PCDHGA11: variants seen among roughly 807,000 people sequenced by gnomAD.
PCDHGA11 encodes protocadherin gamma subfamily A, 11, also known as protocadherin gamma-A11.
PCDHGA11 carries 39 observed loss-of-function variants against 60.4 expected under a neutral mutation model. That is an observed-to-expected ratio of 0.65 (90% CI 0.50 to 0.84). The LOEUF (loss-of-function observed/expected upper bound fraction) is 0.84, where lower values mean the gene tolerates loss of function less well. PCDHGA11 is among the 40% of genes least tolerant of loss of function. The probability of loss-of-function intolerance (pLI) is 0.00; values close to 1 mark genes in which losing one functional copy is unlikely to be tolerated. For synonymous variants in PCDHGA11, 533 were observed against 510.3 expected (o/e 1.04, Z -0.60); for missense variants, 1,165 against 1,197.7 (o/e 0.97, Z 0.40).
rs762574320 is a variant in PCDHGA11, at chr5:141,485,926, G to A, written c.2434-8881G>A. The A allele has an allele frequency of 2.0e-5, 32 of 1,614,090 alleles. No individual in the cohort carries two copies. Among genetic ancestry groups the A allele is most frequent in the Admixed American group, 1.2e-4 (7 of 60,006 alleles). ...AGCAATCCAGCTACAGGATTAGTGT[G>A]TTGGAGAGCGCACCAGCGGGCATGG... On this transcript the variant is annotated intron_variant, in intron 1 of 3. Transcript: ENST00000398587. The surrounding 1 kb of genome is among the most constrained non-coding windows in gnomAD (Gnocchi z 5.7).
At chr5:141,458,645 C>T (rs1162232847) in intron 1 of PCDHGA11, among the ~76,000 whole-genome samples, 2 of 152,170 alleles carry the variant, frequency 1.3e-5, no homozygotes, top group Non-Finnish European at 2.9e-5. Flanking sequence ...TCCCAGCTCA[C>T]TGCAACCTCC....
Position 141,489,153 on chromosome 5 carries a change from G to T in PCDHGA11, c.2434-5654G>T. 1 of 935,828 alleles carries T rather than the reference G, an allele frequency of 1.1e-6. No individual in the cohort carries two copies. Among genetic ancestry groups the T allele is most frequent in the South Asian group, 1.8e-5 (1 of 55,006 alleles). 58.0% of individuals were successfully genotyped at this position (935,828 alleles called of 1,614,324 possible). A position where few individuals can be genotyped will look rare whatever the true frequency, so the allele number is the denominator to read the frequency against. Reference sequence around the variant, plus strand: ...TTTAAGAGGCTGGAAGGAGACATAAGAGACTTCAGCTGCTGCATTCCAAGC... The same window carrying T: ...TTTAAGAGGCTGGAAGGAGACATAATAGACTTCAGCTGCTGCATTCCAAGC... On this transcript the variant is annotated intron_variant, in intron 1 of 3. Transcript: ENST00000398587. The surrounding 1 kb of genome is among the most constrained non-coding windows in gnomAD (Gnocchi z 4.5).
rs1420706532 is a variant in PCDHGA11, at chr5:141,421,102, T to A, written c.-126T>A. On this transcript the variant is annotated 5_prime_UTR_variant, in exon 1 of 4. Coordinates refer to ENST00000398587, the MANE Select transcript of PCDHGA11 (RefSeq NM_018914.3). ...ACTCACAGATCCTGACACTGGAGAC[T>A]TAGAAGTATTTTCCTTCGCTTTCTG... 2 of 691,286 alleles carry A rather than the reference T, an allele frequency of 2.9e-6. No individual in the cohort carries two copies. The highest frequency in any genetic ancestry group is 6.2e-5 in the Admixed American group (2 of 32,346). 42.8% of individuals were successfully genotyped at this position (691,286 alleles called of 1,614,324 possible).
Position 141,423,573 on chromosome 5 carries a change from C to G in PCDHGA11, c.2346C>G (p.Ser782Arg). The part of the protein sequence containing the change: ...PQPNYGDTLI[S>R]QESCEKSEPL... ...CCAACTATGGGGACACGCTCATCAG[C>G]CAGGAGAGCTGTGAGAAAAGCGAGC... Residue 782 changes from serine (S) to arginine (R), a missense_variant, in exon 1 of 4, where the codon AGC (serine) becomes AGG (arginine). Transcript: ENST00000398587. 1 of 1,613,488 alleles carries G rather than the reference C, an allele frequency of 6.2e-7. No homozygotes were observed. The highest frequency in any genetic ancestry group is 1.1e-5 in the South Asian group (1 of 91,046).
chr5:141,483,501 G>T (rs1022338958), intron 1 of PCDHGA11, among the ~76,000 whole-genome samples: 1 of 150,394 alleles, frequency 6.6e-6, no homozygotes, highest in Non-Finnish European at 1.5e-5. Flanking sequence ...ATGAGTCAAG[G>T]CTGATCCCCC....
chr5:141,460,091 A>G (rs2098981847), intron 1 of PCDHGA11, among the ~76,000 whole-genome samples: 1 of 152,002 alleles, frequency 6.6e-6, no homozygotes, highest in Non-Finnish European at 1.5e-5. Flanking sequence ...AATAATAATT[A>G]TACATGTAAT....
rs776293224 is a variant in PCDHGA11, at chr5:141,477,889, A to G, written c.2434-16918A>G. Reference sequence around the variant, plus strand: ...GTACCTCAGCTGGCCACCTAGTGTCACGGGTGGTAGGCTGGGACGCGGATG... The same window carrying G: ...GTACCTCAGCTGGCCACCTAGTGTCGCGGGTGGTAGGCTGGGACGCGGATG... On this transcript the variant is annotated intron_variant, in intron 1 of 3. Coordinates refer to ENST00000398587, the MANE Select transcript of PCDHGA11 (RefSeq NM_018914.3). This position sits in a 1 kb window ranked among gnomAD's most constrained non-coding sequence, Gnocchi z 4.9. The G allele has an allele frequency of 1.8e-5, 29 of 1,614,034 alleles. No individual in the cohort carries two copies. Among genetic ancestry groups the G allele is most frequent in the Non-Finnish European group, 2.5e-5 (29 of 1,180,026 alleles).
intron 1 of PCDHGA11, chr5:141,471,433 T>C (rs2099257619): frequency 6.6e-6 from 1 of 152,162 alleles, no homozygotes; most frequent in African/African-American, 2.4e-5. Flanking sequence ...GGAAAGTGTA[T>C]AATCTCATGT....
chr5:141,423,746 T>G, intron 1 of PCDHGA11, 86 bp downstream of exon 1: 2 of 384,794 alleles, frequency 5.2e-6, no homozygotes, highest in Non-Finnish European at 6.6e-6. Flanking sequence ...TTATGAAAAC[T>G]GTTTGGGGGG....
At position 141,432,185 on chromosome 5, in the gene PCDHGA11, G is replaced by A. The variant is rs376661062; in HGVS notation, c.2433+8525G>A. 8.1e-6 allele frequency: 13 copies of A among 1,613,956 alleles called. No individual in the cohort carries two copies. The African/African-American group carries it at 1.3e-4, about 17-fold the overall frequency. On this transcript the variant is annotated intron_variant, in intron 1 of 3. Transcript: ENST00000398587. This position sits in a 1 kb window ranked among gnomAD's most constrained non-coding sequence, Gnocchi z 6.0. ...AGGAGTTTCCCTCGTCTCTGTGACC[G>A]CCCACGACCCCGACTGTGAAGAGAA...
chr5:141,510,291 A>AG (rs903726285), intron 3 of PCDHGA11, among the ~76,000 whole-genome samples: 1 of 150,450 alleles, frequency 6.6e-6, no homozygotes, highest in African/African-American at 2.4e-5. Context: ...AAAAAAAAAA[A>AG]TGCTGTTTTG....
intron 2 of PCDHGA11, among the ~76,000 whole-genome samples, chr5:141,502,857 ACT>A (rs1332453483): frequency 7.7e-5 from 7 of 91,446 alleles, no homozygotes; most frequent in African/African-American, 4.1e-4. Flanking sequence ...CCTAACCCTG[ACT>A]CTCTGTCTTT....
In PCDHGA11 at chr5:141,423,170, A is replaced by T. The variant is rs755141371; in HGVS notation, c.1943A>T (p.Gln648Leu). Residue 648 changes from glutamine to leucine, a missense_variant, in exon 1 of 4, where the codon CAG (glutamine) becomes CTG (leucine). Coordinates refer to ENST00000398587, the MANE Select transcript of PCDHGA11 (RefSeq NM_018914.3). ...AAGCAGAGCCTCGTGGTGGCCGTCC[A>T]GGACCACGGCCAGCCCCCTCTCTCG... ...ALKQSLVVAVQDHGQPPLSAT... is the reference protein window; with the variant it reads ...ALKQSLVVAVLDHGQPPLSAT... 1 of 1,613,504 alleles carries T rather than the reference A, an allele frequency of 6.2e-7. No individual in the cohort carries two copies. The highest frequency in any genetic ancestry group is 1.1e-5 in the South Asian group (1 of 91,052).
At position 141,432,117 on chromosome 5, in the gene PCDHGA11, C is replaced by G. The variant is rs761106133; in HGVS notation, c.2433+8457C>G. The G allele has an allele frequency of 6.2e-7, 1 of 1,614,062 alleles. No homozygotes were observed. The highest frequency in any genetic ancestry group is 8.5e-7 in the Non-Finnish European group (1 of 1,180,048). ...ACCAACGACAACCCGCCGGTCTTCC[C>G]TCAGGCCTCCTATTCCGCTTATATC... is the stretch of plus-strand genomic sequence containing the variant. On this transcript the variant is annotated intron_variant, in intron 1 of 3. Transcript: ENST00000398587. The surrounding 1 kb of genome is among the most constrained non-coding windows in gnomAD (Gnocchi z 6.0).
At chr5:141,463,981 A>G (rs1441851777) in intron 1 of PCDHGA11, among the ~76,000 whole-genome samples, 1 of 152,150 alleles carries the variant, frequency 6.6e-6, no homozygotes, top group Non-Finnish European at 1.5e-5. Context: ...ACTCCATTGT[A>G]AAAACCAGGT....
Position 141,421,102 on chromosome 5 carries a change from T to G in PCDHGA11, c.-126T>G. ...ACTCACAGATCCTGACACTGGAGAC[T>G]TAGAAGTATTTTCCTTCGCTTTCTG... On this transcript the variant is annotated 5_prime_UTR_variant, in exon 1 of 4. Coordinates refer to ENST00000398587, the MANE Select transcript of PCDHGA11 (RefSeq NM_018914.3). 1.4e-6 allele frequency: 1 copy of G among 691,404 alleles called. No homozygotes were observed. The highest frequency in any genetic ancestry group is 2.4e-6 in the Non-Finnish European group (1 of 423,970). 42.8% of individuals were successfully genotyped at this position (691,404 alleles called of 1,614,324 possible).
At chr5:141,435,919 T>C (rs2097786247) in intron 1 of PCDHGA11, among the ~76,000 whole-genome samples, 2 of 152,148 alleles carry the variant, frequency 1.3e-5, no homozygotes, top group South Asian at 4.1e-4. Flanking sequence ...GGCTCTAAAA[T>C]GCGGCAGTTG....
chr5:141,430,882 A>G, intron 1 of PCDHGA11: 3 of 1,601,068 alleles, frequency 1.9e-6, no homozygotes, highest in Non-Finnish European at 2.6e-6. Context: ...AGCTGGAGAA[A>G]GGCTCTAGGG....
rs200545713 is a variant in PCDHGA11 at position 141,422,296 on chromosome 5, A to G, written c.1069A>G (p.Ile357Val). 133 of 1,550,704 alleles carry G rather than the reference A, an allele frequency of 8.6e-5. 1 individual carries two copies. The Admixed American group carries it at 2.1e-3, about 25-fold the overall frequency. ...AACTATCACCTCTTCTATTAATTCAATTCTGGAAAACTCTCCTCCAGGTAC... is the reference window on the plus strand; with the variant it reads ...AACTATCACCTCTTCTATTAATTCAGTTCTGGAAAACTCTCCTCCAGGTAC... ...EITITSSINS[I>V]LENSPPGTVI... Residue 357 changes from isoleucine (I) to valine (V), a missense_variant, in exon 1 of 4, where the codon ATT (isoleucine) becomes GTT (valine). Physicochemically the swap from Ile to Val is conservative, Grantham distance 29. Transcript: ENST00000398587.
Sources: gnomAD v4.1 joint callset for allele counts (sites outside exome capture counted in the v4.1 genomes callset) on GRCh38, gnomAD v4.1.1 for gene constraint, Gnocchi (gnomAD v3.1) non-coding constraint, MANE v1.5 for transcripts, NCBI Gene and HGNC (gene_info 2026-07-23, HGNC 2026-07-21) for gene names.